MAML3: variants seen among roughly 807,000 people sequenced by gnomAD.
The protein encoded by MAML3 is mastermind-like protein 3.
MAML3 carries 27 observed loss-of-function variants against 101.9 expected under a neutral mutation model. The observed-to-expected ratio is 0.27, with a 90% CI of 0.20 to 0.37. The LOEUF (loss-of-function observed/expected upper bound fraction) is 0.37. Ranked by LOEUF, MAML3 falls within the 10% of genes least tolerant of loss-of-function variation. The pLI, the probability that MAML3 is intolerant of heterozygous loss-of-function variation, is 1.00. For missense variants in MAML3, 1,316 were observed against 1,444.9 expected, an observed-to-expected ratio of 0.91 and a Z score of 1.45; for synonymous variants, 501 against 555.9, an observed-to-expected ratio of 0.90 and a Z score of 1.39.
intron 1 of MAML3, among the ~76,000 whole-genome samples, chr4:140,008,745 G>A (rs1578640625): frequency 6.6e-6 from 1 of 152,118 alleles, no homozygotes; most frequent in East Asian, 1.9e-4. Flanking sequence ...ATTTTTATCT[G>A]TAAACAACCT....
intron 1 of MAML3, among the ~76,000 whole-genome samples, chr4:140,053,828 A>G (rs1430211442): frequency 6.6e-6 from 1 of 152,208 alleles, no homozygotes; most frequent in African/African-American, 2.4e-5. Context: ...GCCATGAAAC[A>G]TTACCATTAT....
chr4:139,863,010 C>T (rs912207011), intron 2 of MAML3, among the ~76,000 whole-genome samples: 12 of 151,954 alleles, frequency 7.9e-5, no homozygotes, highest in East Asian at 2.0e-4. Flanking sequence ...ATTAGCTGGG[C>T]GTGGTGGCAG....
chr4:139,973,026 G>A (rs951698205), intron 1 of MAML3, among the ~76,000 whole-genome samples: 3 of 152,122 alleles, frequency 2.0e-5, no homozygotes, highest in African/African-American at 7.2e-5. Flanking sequence ...GAAGTTCATT[G>A]AGCCATTTAC....
At chr4:139,878,447 C>G (rs1317090315) in intron 2 of MAML3, among the ~76,000 whole-genome samples, 1 of 152,152 alleles carries the variant, frequency 6.6e-6, no homozygotes, top group African/African-American at 2.4e-5. Context: ...TTGCTTTGGT[C>G]CATAATATCA....
intron 1 of MAML3, among the ~76,000 whole-genome samples, chr4:139,911,614 C>A (rs1010197433): frequency 2.6e-5 from 4 of 152,162 alleles, no homozygotes; most frequent in Non-Finnish European, 4.4e-5. Flanking sequence ...GAAATCCTAA[C>A]CCCCAAGGTG....
At chr4:139,951,400 C>T (rs903589415) in intron 1 of MAML3, among the ~76,000 whole-genome samples, 2 of 152,248 alleles carry the variant, frequency 1.3e-5, no homozygotes, top group African/African-American at 4.8e-5. Context: ...GATGCTGGGC[C>T]TCTGTCTTTC....
At chr4:139,864,234 G>A (rs185002915) in intron 2 of MAML3, among the ~76,000 whole-genome samples, 88 of 152,304 alleles carry the variant, frequency 5.8e-4, no homozygotes, top group Non-Finnish European at 1.2e-3. Flanking sequence ...AGCAGAGGCT[G>A]CAGGAAGATA....
intron 2 of MAML3, among the ~76,000 whole-genome samples, chr4:139,737,557 A>ATT (rs142347866): frequency 2.0e-5 from 3 of 151,762 alleles, no homozygotes; most frequent in African/African-American, 7.3e-5. Flanking sequence ...AATATGCATC[A>ATT]TTTTTTTTAA....
intron 2 of MAML3, among the ~76,000 whole-genome samples, chr4:139,820,638 T>C (rs1035252796): frequency 6.6e-6 from 1 of 152,218 alleles, no homozygotes; most frequent in Non-Finnish European, 1.5e-5. Flanking sequence ...TGGGATCGTA[T>C]GTAGTTTTAT....
intron 1 of MAML3, among the ~76,000 whole-genome samples, chr4:139,931,917 G>T (rs1733406797): frequency 6.6e-6 from 1 of 151,976 alleles, no homozygotes; most frequent in South Asian, 2.1e-4. Context: ...TACTCGGGAG[G>T]CTGAGGGAGG....
intron 1 of MAML3, chr4:140,134,073 A>T (rs1022379455): frequency 1.3e-5 from 6 of 455,416 alleles, no homozygotes; most frequent in African/African-American, 1.0e-4. Flanking sequence ...TTGTATTAAA[A>T]CCTCCAGGAC....
chr4:140,138,674 G>A (rs1479772118), intron 1 of MAML3, among the ~76,000 whole-genome samples: 4 of 152,194 alleles, frequency 2.6e-5, no homozygotes, highest in African/African-American at 4.8e-5. Flanking sequence ...CCCAGTGAGA[G>A]AGGGGAAACG....
intron 2 of MAML3, among the ~76,000 whole-genome samples, chr4:139,867,169 C>A (rs886207206): frequency 1.3e-5 from 2 of 152,158 alleles, no homozygotes; most frequent in Non-Finnish European, 2.9e-5. Flanking sequence ...AAGCCAATAA[C>A]CATTCCGTCT....
chr4:139,832,014 C>T (rs1276761731), intron 2 of MAML3, among the ~76,000 whole-genome samples: 14 of 150,400 alleles, frequency 9.3e-5, no homozygotes, highest in African/African-American at 3.2e-4. Flanking sequence ...AGGATGGTCT[C>T]GATCTCCTGA....
At chr4:139,913,039 C>G (rs551359414) in intron 1 of MAML3, among the ~76,000 whole-genome samples, 16 of 152,308 alleles carry the variant, frequency 1.1e-4, no homozygotes, top group African/African-American at 3.6e-4. Flanking sequence ...CACCTGTGAG[C>G]AATATGCTTC....
At chr4:139,741,936 C>CA (rs1386110215) in intron 2 of MAML3, among the ~76,000 whole-genome samples, 1 of 152,008 alleles carries the variant, frequency 6.6e-6, no homozygotes, top group Non-Finnish European at 1.5e-5. Context: ...CTGGGCACTC[C>CA]AAAAAATAGA....
At position 140,084,487 on chromosome 4, in the gene MAML3, A is replaced by G. The variant is rs1296021493; in HGVS notation, c.468+68373T>C. On this transcript the variant is annotated intron_variant, in intron 1 of 4. Coordinates refer to ENST00000509479, the MANE Select transcript of MAML3 (RefSeq NM_018717.5). ...CAACAGTAATGCTGTGTATTTCTTT[A>G]TACATTTTCACTACTAGATCAGCCA... Among the ~76,000 whole-genome samples the G allele has an allele frequency of 1.3e-4, 20 of 152,168 alleles. 1 individual carries two copies. The highest frequency in any genetic ancestry group is 1.3e-3 in the Admixed American group (20 of 15,280).
chr4:140,038,402 A>G (rs1727024052), intron 1 of MAML3, among the ~76,000 whole-genome samples: 1 of 152,244 alleles, frequency 6.6e-6, no homozygotes. Flanking sequence ...GCAGCACATC[A>G]GTATGGAGAG....
intron 2 of MAML3, among the ~76,000 whole-genome samples, chr4:139,830,635 C>T (rs1341411867): frequency 2.6e-5 from 4 of 151,896 alleles, no homozygotes; most frequent in Admixed American, 1.3e-4. Context: ...AGGATGATGT[C>T]GATCTCCTGA....
Sources: gnomAD v4.1 joint callset for allele counts (sites outside exome capture counted in the v4.1 genomes callset) on GRCh38, gnomAD v4.1.1 for gene constraint, MANE v1.5 for transcripts, NCBI Gene and HGNC (gene_info 2026-07-23, HGNC 2026-07-21) for gene names.